FADS3: variants seen among roughly 807,000 people sequenced by gnomAD.
FADS3 encodes the protein cytochrome b5-related protein.
In FADS3, 30 loss-of-function variants were observed where a neutral mutation model predicts 60.4. The observed-to-expected ratio is 0.50, with a 90% CI of 0.37 to 0.67. The LOEUF (loss-of-function observed/expected upper bound fraction) is 0.67. Ranked by LOEUF, FADS3 falls within the 30% of genes least tolerant of loss-of-function variation. FADS3 has a pLI of 0.00. For synonymous variants in FADS3, 234 were observed against 249.3 expected, an observed-to-expected ratio of 0.94 and a Z score of 0.58; for missense variants, 432 against 598.3, an observed-to-expected ratio of 0.72 and a Z score of 2.90.
At position 61,878,597 on chromosome 11, in the gene FADS3, T is replaced by C. The variant is rs1938005461; in HGVS notation, c.662A>G (p.Gln221Arg). The part of the protein sequence containing the change: ...SAHWWNFRHF[Q>R]HHAKPNIFHK... Reference sequence around the variant, plus strand: ...GAAGATGTTGGGCTTGGCGTGGTGCTGGAAGTGGCGGAAGTTCCACCAGTG... The same window carrying C: ...GAAGATGTTGGGCTTGGCGTGGTGCCGGAAGTGGCGGAAGTTCCACCAGTG... The change falls in exon 5 of 12, where the codon CAG (glutamine) becomes CGG (arginine). Residue 221 changes from glutamine (Q) to arginine (R), a missense_variant. Transcript: ENST00000278829. The C allele has an allele frequency of 2.5e-6, 4 of 1,614,118 alleles. No individual in the cohort carries two copies. Among genetic ancestry groups the C allele is most frequent in the Non-Finnish European group, 3.4e-6 (4 of 1,179,996 alleles).
intron 11 of FADS3, among the ~76,000 whole-genome samples, chr11:61,875,397 T>G (rs1221157016): frequency 0.023 from 3,439 of 148,034 alleles, 151 homozygotes; most frequent in African/African-American, 0.075. Flanking sequence ...TTTTTTTTTT[T>G]TTTTTTTTTT....
intron 1 of FADS3, among the ~76,000 whole-genome samples, chr11:61,885,237 CG>C (rs1328124155): frequency 6.6e-6 from 1 of 152,046 alleles, no homozygotes; most frequent in Non-Finnish European, 1.5e-5. Flanking sequence ...AGCAGCTGGT[CG>C]GGGGGGTGTC....
intron 1 of FADS3, among the ~76,000 whole-genome samples, chr11:61,886,097 AC>A (rs1409715642): frequency 6.6e-6 from 1 of 151,960 alleles, no homozygotes; most frequent in Non-Finnish European, 1.5e-5. Context: ...CCAAAAAGCT[AC>A]CCCTGTCCCC....
chr11:61,885,390 A>G (rs1938278844), intron 1 of FADS3, among the ~76,000 whole-genome samples: 1 of 152,194 alleles, frequency 6.6e-6, no homozygotes, highest in African/African-American at 2.4e-5. Context: ...GGCTGCTGGG[A>G]GGATGCAGTC....
intron 1 of FADS3, among the ~76,000 whole-genome samples, chr11:61,884,186 C>T (rs1305367628): frequency 6.6e-6 from 1 of 152,178 alleles, no homozygotes; most frequent in Non-Finnish European, 1.5e-5. Context: ...TCTTCAAGGT[C>T]ACACAGTTCC....
At position 61,877,752 on chromosome 11, in the gene FADS3, C is replaced by T. The variant is rs1937962647; in HGVS notation, c.809-165G>A. 1.5e-6 allele frequency: 1 copy of T among 656,038 alleles called. No homozygotes were observed. Among genetic ancestry groups the T allele is most frequent in the African/African-American group, 1.8e-5 (1 of 55,704 alleles). The allele number at this position is 656,038 out of a possible 1,614,324, so 40.6% of individuals were successfully genotyped here. On this transcript the variant is annotated intron_variant, in intron 6 of 11. Transcript: ENST00000278829. This position sits in a 1 kb window ranked among gnomAD's most constrained non-coding sequence, Gnocchi z 4.7. ...CACCCCCAATTCTGTGTCCAAGCCT[C>T]CCCAGGCTGCCCTTACCCCACCACC...
intron 1 of FADS3, among the ~76,000 whole-genome samples, chr11:61,885,765 C>T (rs941596199): frequency 3.3e-5 from 5 of 152,086 alleles, no homozygotes; most frequent in African/African-American, 1.2e-4. Context: ...CTCAGGTGGT[C>T]GGGGTCTGTC....
intron 5 of FADS3, 83 bp downstream of exon 5, chr11:61,878,428 CA>C: frequency 1.9e-6 from 3 of 1,557,078 alleles, no homozygotes; most frequent in Non-Finnish European, 2.6e-6. Flanking sequence ...GGGGCTAGGT[CA>C]GGGGCAGAGT....
chr11:61,886,741 C>T (rs1429777840), intron 1 of FADS3, among the ~76,000 whole-genome samples: 6 of 152,204 alleles, frequency 3.9e-5, no homozygotes, highest in African/African-American at 1.4e-4. Context: ...TAGGACTTAC[C>T]TCATAAAGTT....
intron 1 of FADS3, among the ~76,000 whole-genome samples, chr11:61,885,878 G>A (rs1938296969): frequency 6.6e-6 from 1 of 152,138 alleles, no homozygotes; most frequent in African/African-American, 2.4e-5. Flanking sequence ...CAGGTGGGTG[G>A]GTACAGCAGG....
chr11:61,882,103 T>G (rs1180660235), intron 1 of FADS3: 2 of 125,712 alleles, frequency 1.6e-5, no homozygotes, highest in Non-Finnish European at 3.4e-5. Context: ...TGGGTGTTTT[T>G]TTTTTTTTTT....
chr11:61,888,340 C>T (rs1487911878), intron 1 of FADS3, among the ~76,000 whole-genome samples: 1 of 152,258 alleles, frequency 6.6e-6, no homozygotes, highest in East Asian at 1.9e-4. Flanking sequence ...CCACCTCCAC[C>T]TGAGGCCACC....
intron 1 of FADS3, among the ~76,000 whole-genome samples, chr11:61,888,731 C>T (rs1020176976): frequency 2.0e-5 from 3 of 152,164 alleles, no homozygotes; most frequent in African/African-American, 7.2e-5. Flanking sequence ...GGGCCATGGG[C>T]TTGAGGAGAC....
In FADS3 at chr11:61,877,393, C is replaced by T; in HGVS notation, c.885+118G>A. Reference sequence around the variant, plus strand: ...ACACTGTTGCACGCATACATGTGAGCCACACTGTTGCACGCACATGTGCAC... The same window carrying T: ...ACACTGTTGCACGCATACATGTGAGTCACACTGTTGCACGCACATGTGCAC... On this transcript the variant is annotated intron_variant, in intron 7 of 11. Transcript: ENST00000278829. This position sits in a 1 kb window ranked among gnomAD's most constrained non-coding sequence, Gnocchi z 4.7. The T allele has an allele frequency of 4.5e-6, 4 of 895,166 alleles. No homozygotes were observed. The highest frequency in any genetic ancestry group is 1.8e-6 in the Non-Finnish European group (1 of 566,128). 55.5% of individuals were successfully genotyped at this position (895,166 alleles called of 1,614,324 possible).
At position 61,876,949 on chromosome 11, in the gene FADS3, G is replaced by GT; in HGVS notation, c.899_900insA (p.Ala301ArgfsTer136). 6.2e-7 allele frequency: 1 copy of GT among 1,603,170 alleles called. No homozygotes were observed. Reference sequence around the variant, plus strand: ...AGAAGAAGCGGGCATAGAAGCTGGCGGCCCAGAGCAAATCCTGCAGAGGAG... The same window carrying GT: ...AGAAGAAGCGGGCATAGAAGCTGGCGTGCCCAGAGCAAATCCTGCAGAGGAG... On this transcript the variant is annotated frameshift_variant, in exon 8 of 12. Transcript: ENST00000278829. LOFTEE classifies it high-confidence loss of function. This position sits in a 1 kb window ranked among gnomAD's most constrained non-coding sequence, Gnocchi z 5.7.
chr11:61,891,098 C>A, intron 1 of FADS3, 71 bp downstream of exon 1: 3 of 1,286,146 alleles, frequency 2.3e-6, no homozygotes, highest in South Asian at 1.3e-5. Flanking sequence ...ACAGGTGGAG[C>A]GGGACATCAC....
rs1348966987 is a variant in FADS3, at chr11:61,877,271, G to A, written c.885+240C>T. 9 of 503,008 alleles carry A rather than the reference G, an allele frequency of 1.8e-5. No individual in the cohort carries two copies. Among genetic ancestry groups the A allele is most frequent in the Non-Finnish European group, 2.9e-5 (8 of 278,314 alleles). The allele number at this position is 503,008 out of a possible 1,614,324, so 31.2% of individuals were successfully genotyped here. On this transcript the variant is annotated intron_variant, in intron 7 of 11. Coordinates refer to ENST00000278829, the MANE Select transcript of FADS3 (RefSeq NM_021727.5). This position sits in a 1 kb window ranked among gnomAD's most constrained non-coding sequence, Gnocchi z 4.7. Reference sequence around the variant, plus strand: ...CTCCTCCTGGGAAGACACCCTCACCGAGAGAGACCCACACCCCCCCTGTTC... The same window carrying A: ...CTCCTCCTGGGAAGACACCCTCACCAAGAGAGACCCACACCCCCCCTGTTC...
chr11:61,879,720 C>A (rs982070375), intron 2 of FADS3, among the ~76,000 whole-genome samples: 4 of 152,176 alleles, frequency 2.6e-5, no homozygotes, highest in African/African-American at 9.7e-5. Context: ...GTGGGTAAGA[C>A]GCTACAGCCA....
In FADS3 at chr11:61,889,384, G is replaced by A. The variant is rs185935465; in HGVS notation, c.213+1785C>T. On this transcript the variant is annotated intron_variant, in intron 1 of 11. Coordinates refer to ENST00000278829, the MANE Select transcript of FADS3 (RefSeq NM_021727.5). Reference sequence around the variant, plus strand: ...TTCTGTATCCCAGCCGGGCGTGGTGGCTCACGCCTGTAATCCCAGCGCTTT... The same window carrying A: ...TTCTGTATCCCAGCCGGGCGTGGTGACTCACGCCTGTAATCCCAGCGCTTT... 4.0e-5 allele frequency among the ~76,000 whole-genome samples: 6 copies of A among 150,618 alleles called. No individual in the cohort carries two copies. In the East Asian group the frequency reaches 1.2e-3, roughly 31 times the overall value.
Sources: allele counts gnomAD v4.1 joint callset (sites outside exome capture counted in the v4.1 genomes callset), GRCh38; gene constraint gnomAD v4.1.1; non-coding constraint Gnocchi (gnomAD v3.1); transcripts MANE v1.5; gene names NCBI Gene and HGNC (gene_info 2026-07-23, HGNC 2026-07-21).